The following TANGO6 variants were observed in gnomAD, a reference collection of about 807,000 sequenced individuals.
TANGO6 encodes transport and golgi organization 6 homolog.
A neutral mutation model predicts 114.2 loss-of-function variants in TANGO6; 90 were observed. That is an observed-to-expected ratio of 0.79 (90% CI 0.66 to 0.94). The LOEUF (loss-of-function observed/expected upper bound fraction) is 0.94, where lower values mean the gene tolerates loss of function less well. Among genes scored for constraint, TANGO6 ranks in the 40% least tolerant of loss-of-function variants. TANGO6 has a pLI of 0.00. For synonymous variants in TANGO6, 477 were observed against 509.8 expected (o/e 0.94, Z 0.87); for missense variants, 1,274 against 1,315.3 (o/e 0.97, Z 0.49).
At chr16:68,988,692 C>CTTTTTTT (rs397855895) in intron 15 of TANGO6, among the ~76,000 whole-genome samples, 21 of 112,440 alleles carry the variant, frequency 1.9e-4, no homozygotes, top group African/African-American at 5.0e-4. Flanking sequence ...TTCTCTCTCT[C>CTTTTTTT]TTTTTTTTTT....
At chr16:68,897,388 G>A (rs944392889) in intron 7 of TANGO6, among the ~76,000 whole-genome samples, 1 of 152,048 alleles carries the variant, frequency 6.6e-6, no homozygotes, top group South Asian at 2.1e-4. Flanking sequence ...GTTCAGCACC[G>A]TATCTGCAGG....
intron 15 of TANGO6, among the ~76,000 whole-genome samples, chr16:68,987,813 G>T (rs1421055869): frequency 6.6e-6 from 1 of 152,182 alleles, no homozygotes; most frequent in Non-Finnish European, 1.5e-5. Context: ...GATGAAGAAA[G>T]TCCTTTGATA....
At chr16:69,058,279 C>T (rs1273387288) in intron 17 of TANGO6, among the ~76,000 whole-genome samples, 1 of 152,114 alleles carries the variant, frequency 6.6e-6, no homozygotes, top group Non-Finnish European at 1.5e-5. Context: ...AGCAAATCTG[C>T]GCCAAATAAA....
At chr16:69,020,152 GAATACTAATTATTTCCCCAACTTGATCT>G (rs1371170407) in intron 15 of TANGO6, among the ~76,000 whole-genome samples, 1 of 152,022 alleles carries the variant, frequency 6.6e-6, no homozygotes. Context: ...CACCATTACT[GAATACTAATTATTTCCCCAACTTGATCT>G]AATACTAATT....
chr16:69,029,347 T>TGG (rs1259073235), intron 16 of TANGO6, among the ~76,000 whole-genome samples: 3 of 152,192 alleles, frequency 2.0e-5, no homozygotes, highest in African/African-American at 7.2e-5. Flanking sequence ...ATCTAGAAAA[T>TGG]GGGATTAAAA....
chr16:68,851,665 A>G (rs1243286991), intron 1 of TANGO6, among the ~76,000 whole-genome samples: 1 of 152,168 alleles, frequency 6.6e-6, no homozygotes, highest in Non-Finnish European at 1.5e-5. Context: ...TTGCCTGTGT[A>G]TCTATAGGAT....
At chr16:68,929,697 A>G (rs999226308) in intron 13 of TANGO6, among the ~76,000 whole-genome samples, 23 of 152,330 alleles carry the variant, frequency 1.5e-4, no homozygotes, top group Admixed American at 2.0e-4. Flanking sequence ...AAATTGTAAG[A>G]TATTTTGAGA....
At chr16:69,066,700 A>G (rs936852902) in intron 17 of TANGO6, among the ~76,000 whole-genome samples, 1 of 152,158 alleles carries the variant, frequency 6.6e-6, no homozygotes, top group Non-Finnish European at 1.5e-5. Context: ...ATGATAGTGA[A>G]ATACTCTCAC....
chr16:68,849,266 G>A (rs796211657), intron 1 of TANGO6, among the ~76,000 whole-genome samples: 4 of 152,226 alleles, frequency 2.6e-5, no homozygotes, highest in African/African-American at 7.2e-5. Context: ...CCCCTGAGGC[G>A]GAGGTGGCAG....
At chr16:68,976,513 A>G (rs1597044150) in intron 15 of TANGO6, among the ~76,000 whole-genome samples, 3 of 152,336 alleles carry the variant, frequency 2.0e-5, no homozygotes, top group African/African-American at 7.2e-5. Context: ...ATTAAGATGA[A>G]TTTCTCCATA....
Position 69,033,505 on chromosome 16 carries a change from C to G in TANGO6, c.2995-6803C>G, listed in dbSNP as rs973434536. 1.0e-3 allele frequency among the ~76,000 whole-genome samples: 156 copies of G among 152,242 alleles called. 1 individual carries two copies. The highest frequency in any genetic ancestry group is 2.3e-3 in the South Asian group (11 of 4,824). On this transcript the variant is annotated intron_variant, in intron 16 of 17. Transcript: ENST00000261778. ...GACACGATAGAGCCAGCACCAAGCT[C>G]TGGGGGACCCAGAGCTGGGACCCTG...
chr16:69,018,443 C>T (rs1054565300), intron 15 of TANGO6, among the ~76,000 whole-genome samples: 19 of 150,964 alleles, frequency 1.3e-4, no homozygotes, highest in Admixed American at 5.3e-4. Context: ...CCACCGCGCC[C>T]GGCCGGAAAT....
intron 7 of TANGO6, among the ~76,000 whole-genome samples, chr16:68,887,428 A>C (rs1962554008): frequency 6.6e-6 from 1 of 152,230 alleles, no homozygotes. Flanking sequence ...TAGACTAAAT[A>C]AGGCACAATG....
At chr16:69,017,320 C>T (rs576643479) in intron 15 of TANGO6, among the ~76,000 whole-genome samples, 4 of 152,290 alleles carry the variant, frequency 2.6e-5, no homozygotes, top group Admixed American at 1.3e-4. Flanking sequence ...CAGGGCCCAG[C>T]ACAGTGGCAG....
intron 15 of TANGO6, among the ~76,000 whole-genome samples, chr16:68,996,200 A>G (rs993047543): frequency 6.6e-6 from 1 of 152,160 alleles, no homozygotes; most frequent in African/African-American, 2.4e-5. Context: ...ATAGATCAAA[A>G]TTTACCTACG....
chr16:68,979,524 C>G (rs1963802553), intron 15 of TANGO6, among the ~76,000 whole-genome samples: 1 of 152,136 alleles, frequency 6.6e-6, no homozygotes, highest in Admixed American at 6.5e-5. Context: ...GCCACTGCGC[C>G]GGGCCCAGGA....
intron 14 of TANGO6, among the ~76,000 whole-genome samples, chr16:68,969,796 T>C (rs1431140773): frequency 6.6e-6 from 1 of 152,184 alleles, no homozygotes; most frequent in African/African-American, 2.4e-5. Context: ...AGGGTGTTTA[T>C]TGGCTTTTCT....
intron 16 of TANGO6, among the ~76,000 whole-genome samples, chr16:69,037,400 T>C (rs1290040596): frequency 1.3e-5 from 2 of 152,120 alleles, no homozygotes. Flanking sequence ...AAGCTAAACG[T>C]AGAGGGGAGC....
chr16:68,971,301 C>A (rs1963702237), intron 14 of TANGO6, among the ~76,000 whole-genome samples: 2 of 151,988 alleles, frequency 1.3e-5, no homozygotes, highest in South Asian at 4.2e-4. Flanking sequence ...TTTTTTGAGA[C>A]CTCACTGTCA....
Sources: allele counts gnomAD v4.1 joint callset (sites outside exome capture counted in the v4.1 genomes callset), GRCh38; gene constraint gnomAD v4.1.1; transcripts MANE v1.5; gene names NCBI Gene and HGNC (gene_info 2026-07-23, HGNC 2026-07-21).